The following RSPO3 variants were observed in gnomAD, a reference collection of about 807,000 sequenced individuals.
RSPO3 encodes the protein R-spondin-3.
A neutral mutation model predicts 36.5 loss-of-function variants in RSPO3; 17 were observed. The observed-to-expected ratio is 0.47, with a 90% CI of 0.32 to 0.70. RSPO3 has a LOEUF of 0.70. Ranked by LOEUF, RSPO3 falls within the 30% of genes least tolerant of loss-of-function variation. RSPO3 has a pLI of 0.04. For synonymous variants in RSPO3, 108 were observed against 107.0 expected (o/e 1.01, Z -0.06); for missense variants, 294 against 322.5 (o/e 0.91, Z 0.68).
intron 4 of RSPO3, among the ~76,000 whole-genome samples, chr6:127,175,947 G>A (rs1340091731): frequency 6.6e-6 from 1 of 151,668 alleles, no homozygotes; most frequent in Non-Finnish European, 1.5e-5. Context: ...TAAGAATTGT[G>A]TATTTACCAT....
rs560776379 is a variant in RSPO3 at position 127,131,674 on chromosome 6, G to A, written c.97+12385G>A. 7.9e-5 allele frequency among the ~76,000 whole-genome samples: 12 copies of A among 152,090 alleles called. No individual in the cohort carries two copies. The South Asian group carries it at 8.3e-4, about 11-fold the overall frequency. On this transcript the variant is annotated intron_variant, in intron 1 of 4. Coordinates refer to ENST00000356698, the MANE Select transcript of RSPO3 (RefSeq NM_032784.5). ...AGAAAAAATAAAGACACAGACAGCC[G>A]AGTTAATTTATAAAACAGTGCTGCA... is the stretch of plus-strand genomic sequence containing the variant.
chr6:127,167,581 A>T (rs917746989), intron 4 of RSPO3, among the ~76,000 whole-genome samples: 1 of 151,936 alleles, frequency 6.6e-6, no homozygotes, highest in Non-Finnish European at 1.5e-5. Context: ...TGCAGTGAAC[A>T]TATGAATGCA....
chr6:127,119,379 A>C, intron 1 of RSPO3, 90 bp downstream of exon 1: 1 of 910,688 alleles, frequency 1.1e-6, no homozygotes, highest in South Asian at 1.5e-5. Context: ...TCCCAACTGC[A>C]GCGGTCCTCC....
In RSPO3 at chr6:127,156,962, C is replaced by A. The variant is rs1774607520; in HGVS notation, c.634+1524C>A. ...TAAAACCTGTTTCTGCCATTCTAAT[C>A]AAGTAGTTAATGTGAAAAAATTCTT... On this transcript the variant is annotated intron_variant, in intron 4 of 4. Transcript: ENST00000356698. Among the ~76,000 whole-genome samples the A allele has an allele frequency of 2.0e-5, 3 of 152,110 alleles. No homozygotes were observed. In the South Asian group the frequency reaches 6.2e-4, roughly 31 times the overall value.
In RSPO3 at chr6:127,124,821, T is replaced by C. The variant is rs140242131; in HGVS notation, c.97+5532T>C. Reference sequence around the variant, plus strand: ...TTCAGGAATATTACTGGCATTCTGATTAAAGTAGTCATCCAGCAATACTGA... The same window carrying C: ...TTCAGGAATATTACTGGCATTCTGACTAAAGTAGTCATCCAGCAATACTGA... On this transcript the variant is annotated intron_variant, in intron 1 of 4. Transcript: ENST00000356698. 5.6e-4 allele frequency among the ~76,000 whole-genome samples: 85 copies of C among 152,222 alleles called. No individual in the cohort carries two copies. The East Asian group carries it at 0.013, about 23-fold the overall frequency.
chr6:127,153,904 TATTATTA>T (rs1774539755), intron 3 of RSPO3, among the ~76,000 whole-genome samples: 1 of 152,146 alleles, frequency 6.6e-6, no homozygotes, highest in African/African-American at 2.4e-5. Flanking sequence ...GAGATTATAA[TATTATTA>T]ATTGACTTAG....
chr6:127,192,792 G>C, intron 4 of RSPO3: 2 of 590,464 alleles, frequency 3.4e-6, no homozygotes, highest in Non-Finnish European at 4.3e-6. Context: ...ATATATGTGT[G>C]TGTATATATG....
At chr6:127,190,407 A>C (rs2114270055) in intron 4 of RSPO3, among the ~76,000 whole-genome samples, 1 of 152,296 alleles carries the variant, frequency 6.6e-6, no homozygotes. Context: ...CAGCATGGGC[A>C]AAAAGAGCAA....
intron 4 of RSPO3, among the ~76,000 whole-genome samples, chr6:127,164,020 C>G (rs1377361546): frequency 1.3e-5 from 2 of 152,080 alleles, no homozygotes; most frequent in African/African-American, 4.8e-5. Context: ...GCTGCAGAGT[C>G]TTTCTCCATT....
At chr6:127,124,779 C>T (rs952218248) in intron 1 of RSPO3, among the ~76,000 whole-genome samples, 1 of 151,964 alleles carries the variant, frequency 6.6e-6, no homozygotes, top group Non-Finnish European at 1.5e-5. Flanking sequence ...TTCAATTCTG[C>T]CCATCAGATC....
intron 1 of RSPO3, among the ~76,000 whole-genome samples, chr6:127,136,001 A>G (rs1774149082): frequency 6.6e-6 from 1 of 151,996 alleles, no homozygotes; most frequent in African/African-American, 2.4e-5. Context: ...TGTGTGAATT[A>G]TATATGCAGC....
At chr6:127,160,607 C>T (rs1364863803) in intron 4 of RSPO3, among the ~76,000 whole-genome samples, 6 of 152,166 alleles carry the variant, frequency 3.9e-5, no homozygotes, top group Admixed American at 2.0e-4. Context: ...TTAAGGGGCA[C>T]ATTATGCAGA....
At chr6:127,186,085 A>G (rs1775288785) in intron 4 of RSPO3, among the ~76,000 whole-genome samples, 1 of 152,190 alleles carries the variant, frequency 6.6e-6, no homozygotes, top group Non-Finnish European at 1.5e-5. Context: ...TAATTTAACC[A>G]GCTGGAATAA....
intron 4 of RSPO3, among the ~76,000 whole-genome samples, chr6:127,182,250 A>T (rs1161942363): frequency 6.6e-6 from 1 of 151,756 alleles, no homozygotes; most frequent in Non-Finnish European, 1.5e-5. Flanking sequence ...ATTTGGCCCC[A>T]CCCCAAACAT....
chr6:127,158,109 T>C (rs1276240796), intron 4 of RSPO3, among the ~76,000 whole-genome samples: 1 of 151,138 alleles, frequency 6.6e-6, no homozygotes. Context: ...CATACACATA[T>C]AGAGAAGCAT....
chr6:127,119,071 G>C lies in RSPO3; in HGVS notation c.-122G>C, dbSNP rs1773779192. The C allele has an allele frequency of 2.9e-6, 2 of 692,316 alleles. No homozygotes were observed. Among genetic ancestry groups the C allele is most frequent in the Non-Finnish European group, 4.8e-6 (2 of 418,262 alleles). The allele number at this position is 692,316 out of a possible 1,614,324, so 42.9% of individuals were successfully genotyped here. A position where few individuals can be genotyped will look rare whatever the true frequency, so the allele number is the denominator to read the frequency against. On this transcript the variant is annotated 5_prime_UTR_variant, in exon 1 of 5. Coordinates refer to ENST00000356698, the MANE Select transcript of RSPO3 (RefSeq NM_032784.5). ...AGCACGCCTATCGGATGTGAGAGGAGAAGTCCCGCTGCTCGGGCACTGTCT... is the reference window on the plus strand; with the variant it reads ...AGCACGCCTATCGGATGTGAGAGGACAAGTCCCGCTGCTCGGGCACTGTCT...
intron 3 of RSPO3, among the ~76,000 whole-genome samples, chr6:127,154,795 G>A (rs1774560184): frequency 1.3e-5 from 2 of 152,086 alleles, no homozygotes; most frequent in Non-Finnish European, 2.9e-5. Context: ...ATGGAGAAAG[G>A]TCCAGAATTT....
rs1289038526 is a variant in RSPO3 at position 127,150,414 on chromosome 6, T to C, written c.290-12T>C. On this transcript the variant is annotated splice_polypyrimidine_tract_variant and intron_variant, in intron 2 of 4. Transcript: ENST00000356698. ...ATAATGCAAGCATATTTCTTTCTTTTTTCTCTTTCAGAATGCAAAGCTGAC... is the reference window on the plus strand; with the variant it reads ...ATAATGCAAGCATATTTCTTTCTTTCTTCTCTTTCAGAATGCAAAGCTGAC... 1.2e-6 allele frequency: 2 copies of C among 1,607,690 alleles called. No homozygotes were observed. Among genetic ancestry groups the C allele is most frequent in the East Asian group, 4.5e-5 (2 of 44,700 alleles).
chr6:127,167,889 C>T (rs372496820), intron 4 of RSPO3, among the ~76,000 whole-genome samples: 1 of 151,920 alleles, frequency 6.6e-6, no homozygotes, highest in African/African-American at 2.4e-5. Flanking sequence ...TGATAGTTTG[C>T]TGAGAATGAT....
Sources: allele counts gnomAD v4.1 joint callset (sites outside exome capture counted in the v4.1 genomes callset), GRCh38; gene constraint gnomAD v4.1.1; transcripts MANE v1.5; gene names NCBI Gene and HGNC (gene_info 2026-07-23, HGNC 2026-07-21).